The following KAZN variants were observed in gnomAD, a reference collection of about 807,000 sequenced individuals.
KAZN encodes kazrin.
KAZN carries 40 observed loss-of-function variants against 87.4 expected under a neutral mutation model. That is an observed-to-expected ratio of 0.46 (90% confidence interval 0.36 to 0.60). The LOEUF is 0.60. Ranked by LOEUF, KAZN falls within the 20% of genes least tolerant of loss-of-function variation. The pLI, the probability that KAZN is intolerant of heterozygous loss-of-function variation, is 0.00. For missense variants in KAZN, 898 were observed against 1,073.9 expected, an observed-to-expected ratio of 0.84 and a Z score of 2.29; for synonymous variants, 466 against 458.3, an observed-to-expected ratio of 1.02 and a Z score of -0.22.
At chr1:14,252,798 A>G (rs761358526) in intron 2 of KAZN, among the ~76,000 whole-genome samples, 1 of 152,162 alleles carries the variant, frequency 6.6e-6, no homozygotes, top group Non-Finnish European at 1.5e-5. Flanking sequence ...AACACAATAA[A>G]TTTATTCTGC....
At position 14,076,495 on chromosome 1, in the gene KAZN, C is replaced by T. The variant is rs1292438831; in HGVS notation, c.92-103940C>T. On this transcript the variant is annotated intron_variant, in intron 1 of 16. Transcript: ENST00000636203. ...TGCCAACACCTTGATCTCAGACTTA[C>T]AGCCTCCAGAACTGTGAGACAATAA... Among the ~76,000 whole-genome samples, 5 of 152,120 alleles carry T rather than the reference C, an allele frequency of 3.3e-5. No individual in the cohort carries two copies. The East Asian group carries it at 9.6e-4, about 29-fold the overall frequency.
At chr1:14,255,667 G>T (rs1465250227) in intron 2 of KAZN, among the ~76,000 whole-genome samples, 1 of 152,198 alleles carries the variant, frequency 6.6e-6, no homozygotes, top group Non-Finnish European at 1.5e-5. Context: ...CTTCCACAAT[G>T]GTCATGGGTG....
At chr1:14,203,229 G>C (rs1237630349) in intron 2 of KAZN, among the ~76,000 whole-genome samples, 2 of 152,116 alleles carry the variant, frequency 1.3e-5, no homozygotes, top group Admixed American at 1.3e-4. Context: ...GATTTTGGAA[G>C]AGTGGAGTGC....
chr1:14,567,174 T>C (rs1674592789), intron 2 of KAZN, among the ~76,000 whole-genome samples: 2 of 152,160 alleles, frequency 1.3e-5, no homozygotes, highest in African/African-American at 4.8e-5. Context: ...TTAGAGGTCA[T>C]TGTAGGGTTA....
intron 4 of KAZN, among the ~76,000 whole-genome samples, chr1:15,053,815 A>G (rs1237632693): frequency 6.6e-6 from 1 of 152,262 alleles, no homozygotes; most frequent in Non-Finnish European, 1.5e-5. Flanking sequence ...TTTCTCGGCC[A>G]GAGCAGGGGC....
intron 1 of KAZN, among the ~76,000 whole-genome samples, chr1:13,902,222 T>C (rs1162747673): frequency 2.0e-5 from 3 of 152,264 alleles, no homozygotes; most frequent in Non-Finnish European, 4.4e-5. Flanking sequence ...TGGCGATCCT[T>C]CTTTACCCTT....
chr1:14,625,127 G>A (rs1679040270), intron 1 of KAZN, among the ~76,000 whole-genome samples: 1 of 152,114 alleles, frequency 6.6e-6, no homozygotes, highest in South Asian at 2.1e-4. Context: ...AGTCATCATG[G>A]AAGACATTAG....
At chr1:13,907,300 C>T (rs1198680956) in intron 1 of KAZN, among the ~76,000 whole-genome samples, 8 of 152,128 alleles carry the variant, frequency 5.3e-5, no homozygotes, top group Non-Finnish European at 1.0e-4. Context: ...GATCAGTTGG[C>T]GAATGTCTCC....
chr1:14,188,516 C>T (rs1026455791), intron 2 of KAZN, among the ~76,000 whole-genome samples: 2 of 151,902 alleles, frequency 1.3e-5, no homozygotes, highest in African/African-American at 2.4e-5. Flanking sequence ...TAGAGACACA[C>T]ACAAAAGAAG....
intron 1 of KAZN, among the ~76,000 whole-genome samples, chr1:14,647,452 C>T (rs1557862205): frequency 6.6e-6 from 1 of 152,086 alleles, no homozygotes; most frequent in Non-Finnish European, 1.5e-5. Flanking sequence ...ACAGAAGGAC[C>T]AGTCAATTGT....
At chr1:14,958,415 T>A (rs1235666988) in intron 1 of KAZN, among the ~76,000 whole-genome samples, 1 of 152,066 alleles carries the variant, frequency 6.6e-6, no homozygotes, top group African/African-American at 2.4e-5. Context: ...CATGGAGCAC[T>A]TCCTATGTAC....
At chr1:14,654,917 CTG>C (rs1354622485) in intron 1 of KAZN, among the ~76,000 whole-genome samples, 3 of 152,168 alleles carry the variant, frequency 2.0e-5, no homozygotes, top group African/African-American at 7.2e-5. Context: ...ATTAAAGCAA[CTG>C]GGGGATTCTG....
intron 1 of KAZN, among the ~76,000 whole-genome samples, chr1:14,678,083 C>T (rs991223266): frequency 2.6e-5 from 4 of 151,950 alleles, no homozygotes; most frequent in East Asian, 1.9e-4. Flanking sequence ...AATTAAGTGT[C>T]GACTGGATTG....
At chr1:14,293,208 A>G (rs1163750860) in intron 2 of KAZN, among the ~76,000 whole-genome samples, 1 of 152,230 alleles carries the variant, frequency 6.6e-6, no homozygotes, top group Non-Finnish European at 1.5e-5. Context: ...AAATTTCTCC[A>G]GCCCCGAAGG....
chr1:14,813,960 G>T (rs564331162), intron 1 of KAZN, among the ~76,000 whole-genome samples: 2 of 152,180 alleles, frequency 1.3e-5, no homozygotes, highest in African/African-American at 2.4e-5. Flanking sequence ...GTTCTGTCCC[G>T]CTGGGATGAG....
At chr1:14,383,673 C>T (rs369597423) in intron 2 of KAZN, among the ~76,000 whole-genome samples, 5 of 151,938 alleles carry the variant, frequency 3.3e-5, no homozygotes, top group African/African-American at 1.2e-4. Context: ...CCATTGATCT[C>T]TCTCTCTGTT....
chr1:14,333,482 A>G (rs141616559), intron 2 of KAZN, among the ~76,000 whole-genome samples: 1 of 152,300 alleles, frequency 6.6e-6, no homozygotes, highest in African/African-American at 2.4e-5. Context: ...GTGCCACTCT[A>G]CTTCTCATTC....
At chr1:14,984,705 T>C (rs1404079514) in intron 2 of KAZN, among the ~76,000 whole-genome samples, 1 of 152,076 alleles carries the variant, frequency 6.6e-6, no homozygotes, top group African/African-American at 2.4e-5. Context: ...CAGTGGAAAG[T>C]AAAATGCAAC....
At chr1:14,882,257 G>A (rs1653418316) in intron 1 of KAZN, among the ~76,000 whole-genome samples, 1 of 152,212 alleles carries the variant, frequency 6.6e-6, no homozygotes, top group Non-Finnish European at 1.5e-5. Flanking sequence ...CTAAACTTCA[G>A]AGATTCCAAA....
Sources: gnomAD v4.1 joint callset for allele counts (sites outside exome capture counted in the v4.1 genomes callset) on GRCh38, gnomAD v4.1.1 for gene constraint, MANE v1.5 for transcripts, NCBI Gene and HGNC (gene_info 2026-07-23, HGNC 2026-07-21) for gene names.